The following SLC4A10 variants were observed in gnomAD, a reference collection of about 807,000 sequenced individuals.
The protein encoded by SLC4A10 is solute carrier family 4 member 10, also known as sodium-driven chloride bicarbonate exchanger.
In SLC4A10, 42 loss-of-function variants were observed where a neutral mutation model predicts 137.7. The observed-to-expected ratio is 0.30, with a 90% CI of 0.24 to 0.39. The LOEUF (loss-of-function observed/expected upper bound fraction) is 0.39, where lower values mean the gene tolerates loss of function less well. Among genes scored for constraint, SLC4A10 ranks in the 10% least tolerant of loss-of-function variants. SLC4A10 has a pLI of 1.00. For missense variants in SLC4A10, 925 were observed against 1,355.0 expected (o/e 0.68, Z 4.98); for synonymous variants, 474 against 464.1 (o/e 1.02, Z -0.27).
At chr2:161,679,916 T>C (rs1315705492) in intron 1 of SLC4A10, among the ~76,000 whole-genome samples, 1 of 152,118 alleles carries the variant, frequency 6.6e-6, no homozygotes, top group Non-Finnish European at 1.5e-5. Context: ...TAGGACTTTA[T>C]CATACTCTAG....
intron 3 of SLC4A10, among the ~76,000 whole-genome samples, chr2:161,828,847 A>G (rs963523307): frequency 1.6e-5 from 2 of 128,974 alleles, no homozygotes; most frequent in South Asian, 2.6e-4. Flanking sequence ...TCTCTAGAGC[A>G]TGCAGTGGAT....
intron 5 of SLC4A10, among the ~76,000 whole-genome samples, chr2:161,860,357 T>A (rs1447874707): frequency 6.6e-6 from 1 of 152,194 alleles, no homozygotes; most frequent in African/African-American, 2.4e-5. Context: ...TGTGCTTTAA[T>A]AGAAATTAAA....
intron 26 of SLC4A10, among the ~76,000 whole-genome samples, chr2:161,979,900 CAAT>C (rs1559680785): frequency 6.6e-6 from 1 of 152,132 alleles, no homozygotes; most frequent in Non-Finnish European, 1.5e-5. Context: ...TATATTTTCT[CAAT>C]TATATCATTC....
At chr2:161,920,409 A>G (rs1340251250) in intron 15 of SLC4A10, among the ~76,000 whole-genome samples, 3 of 152,242 alleles carry the variant, frequency 2.0e-5, no homozygotes, top group African/African-American at 7.2e-5. Flanking sequence ...AAAAAAAAGT[A>G]GGAAGAATAT....
At chr2:161,697,017 A>T (rs941983071) in intron 1 of SLC4A10, among the ~76,000 whole-genome samples, 3 of 152,178 alleles carry the variant, frequency 2.0e-5, no homozygotes, top group Non-Finnish European at 4.4e-5. Context: ...GTGAGATGGT[A>T]TCTCACTGTG....
At chr2:161,757,384 G>A (rs2049769966) in intron 1 of SLC4A10, among the ~76,000 whole-genome samples, 2 of 152,204 alleles carry the variant, frequency 1.3e-5, no homozygotes, top group East Asian at 3.9e-4. Flanking sequence ...CTTCATCTTT[G>A]AAGTGGGGAT....
At chr2:161,831,070 T>G (rs549214072) in intron 3 of SLC4A10, among the ~76,000 whole-genome samples, 11 of 152,142 alleles carry the variant, frequency 7.2e-5, no homozygotes, top group Non-Finnish European at 1.6e-4. Flanking sequence ...AGCATGATAT[T>G]TTTAAGAGTC....
intron 1 of SLC4A10, among the ~76,000 whole-genome samples, chr2:161,694,192 A>G (rs1450011632): frequency 6.6e-6 from 1 of 152,042 alleles, no homozygotes; most frequent in African/African-American, 2.4e-5. Context: ...AAATAAATCA[A>G]AATTGTAAGG....
chr2:161,682,627 C>A (rs1386936956), intron 1 of SLC4A10, among the ~76,000 whole-genome samples: 1 of 151,594 alleles, frequency 6.6e-6, no homozygotes, highest in Non-Finnish European at 1.5e-5. Flanking sequence ...GCAATCTGGG[C>A]TTGGTTCATC....
rs138112194 is a variant in SLC4A10 at position 161,771,719 on chromosome 2, G to C, written c.130+665G>C. On this transcript the variant is annotated intron_variant, in intron 2 of 26. Coordinates refer to ENST00000446997, the MANE Select transcript of SLC4A10 (RefSeq NM_001178015.2). ...AATTAAGGGAAAATTACTTAGAATA[G>C]TACCTGGCCAAAGAGTTGTGTAAAT... Among the ~76,000 whole-genome samples, 944 of 151,950 alleles carry C rather than the reference G, an allele frequency of 6.2e-3. 9 individuals are homozygous for C. The highest frequency in any genetic ancestry group is 0.022 in the African/African-American group (899 of 41,474).
Position 161,947,743 on chromosome 2 carries a change from C to A in SLC4A10, c.2265+16C>A, listed in dbSNP as rs1278458725. On this transcript the variant is annotated intron_variant, in intron 17 of 26. Coordinates refer to ENST00000446997, the MANE Select transcript of SLC4A10 (RefSeq NM_001178015.2). Reference sequence around the variant, plus strand: ...TCCAACCAAGGTACTTAGACTATTTCTTGATCTAAATGTAAAATAACATAG... The same window carrying A: ...TCCAACCAAGGTACTTAGACTATTTATTGATCTAAATGTAAAATAACATAG... 3.7e-6 allele frequency: 6 copies of A among 1,605,242 alleles called. No homozygotes were observed. Among genetic ancestry groups the A allele is most frequent in the Non-Finnish European group, 5.1e-6 (6 of 1,176,308 alleles).
intron 1 of SLC4A10, among the ~76,000 whole-genome samples, chr2:161,719,546 C>T (rs2045370050): frequency 6.6e-6 from 1 of 152,050 alleles, no homozygotes; most frequent in African/African-American, 2.4e-5. Context: ...TATTTCTCTA[C>T]ATCCTCTCCA....
At chr2:161,751,770 G>A (rs1360252409) in intron 1 of SLC4A10, among the ~76,000 whole-genome samples, 1 of 151,714 alleles carries the variant, frequency 6.6e-6, no homozygotes, top group Non-Finnish European at 1.5e-5. Context: ...GTTATATAGG[G>A]TCCTCTTATC....
At chr2:161,732,762 T>A (rs568277253) in intron 1 of SLC4A10, among the ~76,000 whole-genome samples, 6 of 152,270 alleles carry the variant, frequency 3.9e-5, no homozygotes, top group African/African-American at 1.4e-4. Flanking sequence ...ACTTGTTGAA[T>A]GGTTTTGCCC....
chr2:161,812,339 T>A (rs2056633110), intron 3 of SLC4A10, among the ~76,000 whole-genome samples: 1 of 152,116 alleles, frequency 6.6e-6, no homozygotes, highest in African/African-American at 2.4e-5. Context: ...CCCTCTACTT[T>A]CTTCAAACAT....
intron 1 of SLC4A10, among the ~76,000 whole-genome samples, chr2:161,676,767 T>C (rs1054469546): frequency 7.2e-5 from 11 of 152,176 alleles, no homozygotes; most frequent in African/African-American, 1.4e-4. Context: ...CTTAAGTTGC[T>C]TCACAGAAAA....
At chr2:161,732,466 A>T (rs2125190155) in intron 1 of SLC4A10, among the ~76,000 whole-genome samples, 1 of 152,340 alleles carries the variant, frequency 6.6e-6, no homozygotes, top group East Asian at 1.9e-4. Flanking sequence ...TCAAACACAG[A>T]TCCCTTACAG....
At position 161,874,142 on chromosome 2, in the gene SLC4A10, A is replaced by G. The variant is rs2061324430; in HGVS notation, c.948+137A>G. On this transcript the variant is annotated intron_variant, in intron 8 of 26. Transcript: ENST00000446997. The stretch of plus-strand genomic sequence containing the variant: ...AAGAACTATCTTTTTAAAGCATTGC[A>G]TCTTCATTCATCTGCAAGTTGGAAA... The G allele has an allele frequency of 9.6e-6, 8 of 836,250 alleles. No homozygotes were observed. In the East Asian group the frequency reaches 1.1e-4, roughly 12 times the overall value. The allele number at this position is 836,250 out of a possible 1,614,324, so 51.8% of individuals were successfully genotyped here.
intron 8 of SLC4A10, among the ~76,000 whole-genome samples, chr2:161,874,462 C>T (rs2061341064): frequency 6.6e-6 from 1 of 152,208 alleles, no homozygotes; most frequent in African/African-American, 2.4e-5. Flanking sequence ...TACTTCATCA[C>T]ATATGAAAGA....
Sources: allele counts gnomAD v4.1 joint callset (sites outside exome capture counted in the v4.1 genomes callset), GRCh38; gene constraint gnomAD v4.1.1; transcripts MANE v1.5; gene names NCBI Gene and HGNC (gene_info 2026-07-23, HGNC 2026-07-21).